SRRM4: variants seen among roughly 807,000 people sequenced by gnomAD.
SRRM4 encodes the protein serine/arginine repetitive matrix protein 4.
SRRM4 carries 33 observed loss-of-function variants against 68.9 expected under a neutral mutation model. The observed-to-expected ratio is 0.48, with a 90% CI of 0.36 to 0.64. SRRM4 has a LOEUF of 0.64. Ranked by LOEUF, SRRM4 falls within the 30% of genes least tolerant of loss-of-function variation. The pLI is 0.00. For synonymous variants in SRRM4, 318 were observed against 318.8 expected, an observed-to-expected ratio of 1.00 and a Z score of 0.03; for missense variants, 817 against 827.1, an observed-to-expected ratio of 0.99 and a Z score of 0.15.
intron 2 of SRRM4, among the ~76,000 whole-genome samples, chr12:119,108,400 A>C (rs1261700134): frequency 6.6e-6 from 1 of 152,062 alleles, no homozygotes; most frequent in African/African-American, 2.4e-5. Context: ...GATCTGTCTA[A>C]TGTTGACAGT....
intron 1 of SRRM4, among the ~76,000 whole-genome samples, chr12:119,003,249 G>A (rs962397951): frequency 4.0e-5 from 6 of 151,738 alleles, no homozygotes; most frequent in Admixed American, 2.6e-4. Context: ...CATTTGGACT[G>A]TGCTCTCTCT....
At chr12:119,095,266 C>T (rs1313460016) in intron 1 of SRRM4, among the ~76,000 whole-genome samples, 1 of 152,162 alleles carries the variant, frequency 6.6e-6, no homozygotes, top group East Asian at 1.9e-4. Flanking sequence ...CTAGGTCAGC[C>T]CCATGATAAC....
chr12:119,144,493 G>A (rs1385925089), intron 8 of SRRM4: 5 of 152,140 alleles, frequency 3.3e-5, no homozygotes, highest in African/African-American at 7.2e-5. Flanking sequence ...ATGGACTCAC[G>A]TTGCCCGCTC....
chr12:119,051,372 A>G (rs957624004), intron 1 of SRRM4, among the ~76,000 whole-genome samples: 1 of 152,114 alleles, frequency 6.6e-6, no homozygotes, highest in African/African-American at 2.4e-5. Flanking sequence ...GTAAACTCCT[A>G]CTCTACTGGG....
intron 1 of SRRM4, among the ~76,000 whole-genome samples, chr12:119,068,082 G>A (rs1359909587): frequency 1.1e-4 from 16 of 152,346 alleles, no homozygotes; most frequent in Admixed American, 2.0e-4. Context: ...CCGTGGCAGC[G>A]TAACCTGGTG....
intron 1 of SRRM4, among the ~76,000 whole-genome samples, chr12:119,059,135 G>T (rs1342025685): frequency 6.6e-6 from 1 of 152,086 alleles, no homozygotes; most frequent in East Asian, 1.9e-4. Flanking sequence ...ACTTCTGTTT[G>T]GGTCTTGGAT....
intron 1 of SRRM4, among the ~76,000 whole-genome samples, chr12:118,997,249 G>T (rs2135991709): frequency 6.6e-6 from 1 of 152,322 alleles, no homozygotes; most frequent in Admixed American, 6.5e-5. Context: ...CACCAAATTT[G>T]GTAGGGATTT....
At chr12:119,136,263 T>C (rs980330949) in intron 8 of SRRM4, among the ~76,000 whole-genome samples, 12 of 152,116 alleles carry the variant, frequency 7.9e-5, no homozygotes, top group Non-Finnish European at 1.2e-4. Context: ...ATAGGGAAAA[T>C]AGGGCTGAGG....
At chr12:119,066,483 T>A (rs904414400) in intron 1 of SRRM4, among the ~76,000 whole-genome samples, 1 of 152,200 alleles carries the variant, frequency 6.6e-6, no homozygotes, top group African/African-American at 2.4e-5. Flanking sequence ...ATCAGCATCA[T>A]TTGGGAGCTT....
chr12:119,071,773 C>A (rs993458569), intron 1 of SRRM4, among the ~76,000 whole-genome samples: 5 of 152,192 alleles, frequency 3.3e-5, no homozygotes, highest in African/African-American at 1.2e-4. Flanking sequence ...ATTCATCATG[C>A]CGCACGCCGT....
At chr12:119,128,265 ATC>A (rs1347543982) in intron 7 of SRRM4, among the ~76,000 whole-genome samples, 8 of 152,176 alleles carry the variant, frequency 5.3e-5, no homozygotes, top group African/African-American at 1.9e-4. Flanking sequence ...GTGACCAAGC[ATC>A]TCTCTACCCT....
chr12:119,041,574 T>C (rs959471890), intron 1 of SRRM4, among the ~76,000 whole-genome samples: 1 of 152,238 alleles, frequency 6.6e-6, no homozygotes, highest in Non-Finnish European at 1.5e-5. Context: ...ATTTCAAAGT[T>C]GCACTCTGTG....
intron 1 of SRRM4, among the ~76,000 whole-genome samples, chr12:119,070,910 C>T (rs1953874030): frequency 6.6e-6 from 1 of 152,152 alleles, no homozygotes; most frequent in South Asian, 2.1e-4. Flanking sequence ...AGATCTGCCC[C>T]GTCTTTACTC....
At chr12:119,017,487 CA>C (rs1489637795) in intron 1 of SRRM4, among the ~76,000 whole-genome samples, 11 of 152,150 alleles carry the variant, frequency 7.2e-5, no homozygotes, top group African/African-American at 2.7e-4. Flanking sequence ...ACTAAGCGGG[CA>C]GATGGCTGCT....
chr12:119,125,645 G>A (rs1236539838), intron 7 of SRRM4, among the ~76,000 whole-genome samples, 166 bp downstream of exon 7: 2 of 151,704 alleles, frequency 1.3e-5, no homozygotes, highest in Non-Finnish European at 2.9e-5. Context: ...GGAGAGCCTG[G>A]GTGCGGTGGC....
intron 1 of SRRM4, among the ~76,000 whole-genome samples, chr12:119,016,820 G>A (rs980995239): frequency 3.9e-5 from 6 of 152,196 alleles, no homozygotes; most frequent in Non-Finnish European, 7.3e-5. Context: ...GAATGACAGG[G>A]TAGCATACTG....
chr12:118,993,705 T>G (rs1054225927), intron 1 of SRRM4, among the ~76,000 whole-genome samples: 2 of 152,086 alleles, frequency 1.3e-5, no homozygotes, highest in African/African-American at 4.8e-5. Flanking sequence ...AGCCCAACCC[T>G]CCCTAACTCT....
intron 1 of SRRM4, among the ~76,000 whole-genome samples, chr12:119,047,556 C>T (rs1420151865): frequency 2.6e-5 from 4 of 152,152 alleles, no homozygotes; most frequent in Non-Finnish European, 4.4e-5. Flanking sequence ...CATAGTTAAG[C>T]TCGCATTTGT....
At chr12:118,988,185 G>A (rs2135988065) in intron 1 of SRRM4, among the ~76,000 whole-genome samples, 1 of 151,934 alleles carries the variant, frequency 6.6e-6, no homozygotes, top group African/African-American at 2.4e-5. Context: ...CTTGCTTATA[G>A]TCACACAGTT....
Sources: gnomAD v4.1 joint callset for allele counts (sites outside exome capture counted in the v4.1 genomes callset) on GRCh38, gnomAD v4.1.1 for gene constraint, MANE v1.5 for transcripts, NCBI Gene and HGNC (gene_info 2026-07-23, HGNC 2026-07-21) for gene names.